The following COL5A1 variants were observed in gnomAD, a reference collection of about 807,000 sequenced individuals.
COL5A1 encodes collagen alpha-1(V) chain.
COL5A1 carries 16 observed loss-of-function variants against 263.7 expected under a neutral mutation model. The observed-to-expected ratio is 0.06, with a 90% CI of 0.04 to 0.09. The LOEUF is 0.09. Among genes scored for constraint, COL5A1 ranks in the 10% least tolerant of loss-of-function variants. COL5A1 has a pLI of 1.00. For missense variants in COL5A1, 2,036 were observed against 2,540.5 expected (o/e 0.80, Z 4.27); for synonymous variants, 1,012 against 1,004.5 (o/e 1.01, Z -0.14).
rs1377237853 is a variant in COL5A1, at chr9:134,816,113, CGATTCCCTTATGATATT to C, written c.4122+140_4122+156del. ...GTTGATATTGATTCCTTTATGATAT[CGATTCCCTTATGATATT>C]GATTCCCTTATGATGTTGATTCCCT... is the stretch of plus-strand genomic sequence containing the variant. On this transcript the variant is annotated intron_variant, in intron 52 of 65. Coordinates refer to ENST00000371817, the MANE Select transcript of COL5A1 (RefSeq NM_000093.5). The C allele has an allele frequency of 2.1e-5, 18 of 868,848 alleles. 2 individuals carry two copies. In the Middle Eastern group the frequency reaches 3.0e-3, roughly 145 times the overall value. 53.8% of individuals were successfully genotyped at this position (868,848 alleles called of 1,614,324 possible). A position where few individuals can be genotyped will look rare whatever the true frequency, so the allele number is the denominator to read the frequency against.
At position 134,652,382 on chromosome 9, in the gene COL5A1, C is replaced by T. The variant is rs747924322; in HGVS notation, c.109+10086C>T. Among the ~76,000 whole-genome samples, 49 of 127,166 alleles carry T rather than the reference C, an allele frequency of 3.9e-4. No homozygotes were observed. Among genetic ancestry groups the T allele is most frequent in the Admixed American group, 1.8e-3 (21 of 11,672 alleles). The allele number at this position is 127,166 out of a possible 152,430, so 83.4% of individuals were successfully genotyped here. On this transcript the variant is annotated intron_variant, in intron 1 of 65. Transcript: ENST00000371817. The surrounding 1 kb of genome is among the most constrained non-coding windows in gnomAD (Gnocchi z 4.4). ...GGCAAGGAGATGCCCCAGGTGGAGCCATCGGGAGAGGGAGAGGGGGTGGGA... is the reference window on the plus strand; with the variant it reads ...GGCAAGGAGATGCCCCAGGTGGAGCTATCGGGAGAGGGAGAGGGGGTGGGA...
At chr9:134,656,083 C>T (rs529008023) in intron 1 of COL5A1, among the ~76,000 whole-genome samples, 7 of 152,268 alleles carry the variant, frequency 4.6e-5, no homozygotes, top group Admixed American at 3.9e-4. Flanking sequence ...CAGAGGATGC[C>T]GGAGCTTGGA....
intron 25 of COL5A1, among the ~76,000 whole-genome samples, chr9:134,770,148 C>T (rs56395518): frequency 0.014 from 2,164 of 152,312 alleles, 59 homozygotes; most frequent in African/African-American, 0.049. Context: ...CCATCTCCCA[C>T]GAAAATCTGG....
chr9:134,751,002 G>A lies in COL5A1; in HGVS notation c.1662+120G>A, dbSNP rs951088134. The stretch of plus-strand genomic sequence containing the variant: ...GAGGGAAGCAGCTGTCTTGATCCCA[G>A]AATGCCTGCTTGCTGGGGTCAGGAG... On this transcript the variant is annotated intron_variant, in intron 13 of 65. Transcript: ENST00000371817. The A allele has an allele frequency of 5.7e-6, 5 of 881,178 alleles. No homozygotes were observed. The African/African-American group carries it at 8.3e-5, about 15-fold the overall frequency. 54.6% of individuals were successfully genotyped at this position (881,178 alleles called of 1,614,324 possible).
chr9:134,719,694 G>A (rs188208995), intron 4 of COL5A1, among the ~76,000 whole-genome samples: 10 of 152,350 alleles, frequency 6.6e-5, no homozygotes, highest in Admixed American at 3.3e-4. Flanking sequence ...GGTGGTGATC[G>A]GCCTCTGCCT....
At position 134,823,486 on chromosome 9, in the gene COL5A1, G is replaced by A. The variant is rs763265560; in HGVS notation, c.4698+17G>A. On this transcript the variant is annotated intron_variant, in intron 61 of 65. Coordinates refer to ENST00000371817, the MANE Select transcript of COL5A1 (RefSeq NM_000093.5). ...GGCCCCCCGGTAAGTAGCCCTTGAAGCCCAGAAAGCGGGACGGGGGCTCTG... is the reference window on the plus strand; with the variant it reads ...GGCCCCCCGGTAAGTAGCCCTTGAAACCCAGAAAGCGGGACGGGGGCTCTG... 4 of 1,614,006 alleles carry A rather than the reference G, an allele frequency of 2.5e-6. No individual in the cohort carries two copies. The South Asian group carries it at 4.4e-5, about 18-fold the overall frequency.
chr9:134,750,777 C>A lies in COL5A1; in HGVS notation c.1570-13C>A. The A allele has an allele frequency of 6.2e-7, 1 of 1,613,222 alleles. No individual in the cohort carries two copies. The highest frequency in any genetic ancestry group is 8.5e-7 in the Non-Finnish European group (1 of 1,179,910). ...TCACTGCTCCCAGAGTGACCCTTGT[C>A]TTACACTTGCAGTTCCGGTTTGGAG... On this transcript the variant is annotated splice_polypyrimidine_tract_variant and intron_variant, in intron 12 of 65. Transcript: ENST00000371817.
intron 49 of COL5A1, 121 bp from the exon 50 acceptor site, chr9:134,814,676 G>A: frequency 1.0e-5 from 8 of 794,390 alleles, no homozygotes; most frequent in South Asian, 3.0e-5. Context: ...GCCCCCTGCA[G>A]GGCTCAGCAG....
intron 31 of COL5A1, among the ~76,000 whole-genome samples, 198 bp from the exon 32 acceptor site, chr9:134,788,957 T>G (rs1170313085): frequency 1.8e-5 from 2 of 111,202 alleles, no homozygotes; most frequent in South Asian, 3.1e-4. Flanking sequence ...AGTGGGTGGG[T>G]GGGTAGACAG....
chr9:134,842,170 A>G lies in COL5A1; in HGVS notation c.5384A>G (p.Tyr1795Cys). The change falls in exon 66 of 66, where the codon TAC becomes TGC. Residue 1795 changes from tyrosine to cysteine, a missense_variant. Tyr to Cys is a radical substitution (Grantham distance 194). Transcript: ENST00000371817. The surrounding 1 kb of genome is among the most constrained non-coding windows in gnomAD (Gnocchi z 5.8). ...CCTCTTCCCCAGACCAAGAAAGGCTACCAGAAGACGGTTCTGGAGATCGAC... is the reference window on the plus strand; with the variant it reads ...CCTCTTCCCCAGACCAAGAAAGGCTGCCAGAAGACGGTTCTGGAGATCGAC... ...LVDGCATKKGYQKTVLEIDTP... is the reference protein window; with the variant it reads ...LVDGCATKKGCQKTVLEIDTP... 3 of 1,614,164 alleles carry G rather than the reference A, an allele frequency of 1.9e-6. No individual in the cohort carries two copies. The highest frequency in any genetic ancestry group is 2.5e-6 in the Non-Finnish European group (3 of 1,180,030).
intron 34 of COL5A1, among the ~76,000 whole-genome samples, chr9:134,795,938 A>ACTC (rs1224440474): frequency 6.6e-6 from 1 of 152,130 alleles, no homozygotes; most frequent in African/African-American, 2.4e-5. Flanking sequence ...GCCACCCTGA[A>ACTC]CTCCTCCAGG....
chr9:134,810,729 C>G (rs1230809313), intron 44 of COL5A1, among the ~76,000 whole-genome samples: 2 of 152,174 alleles, frequency 1.3e-5, no homozygotes, highest in Non-Finnish European at 2.9e-5. Flanking sequence ...TGCAAAAACC[C>G]CATGACTCTG....
rs1406011925 is a variant in COL5A1 at position 134,809,195 on chromosome 9, C to A, written c.3379C>A (p.Pro1127Thr). 6.3e-7 allele frequency: 1 copy of A among 1,586,818 alleles called. No homozygotes were observed. The highest frequency in any genetic ancestry group is 2.3e-5 in the East Asian group (1 of 43,610). ...CTGTATTCTCTAGGGCGAGAAAGGC[C>A]CACAAGGCCCAGCTGGCCGAGACGG... ...GEKGAPGEKG[P>T]QGPAGRDGLQ... The change falls in exon 43 of 66, where the codon CCA (proline) becomes ACA (threonine). Residue 1127 changes from proline (P) to threonine (T), a missense_variant. This residue lies in a region of COL5A1 where 1,078 missense variants were observed against 1,521.4 expected (regional missense o/e 0.71). Transcript: ENST00000371817.
intron 65 of COL5A1, among the ~76,000 whole-genome samples, chr9:134,839,097 A>G (rs1839937492): frequency 6.6e-6 from 1 of 152,258 alleles, no homozygotes; most frequent in African/African-American, 2.4e-5. Context: ...TGCATGATTC[A>G]TATTGTAATA....
chr9:134,670,248 A>C (rs1450880606), intron 1 of COL5A1, among the ~76,000 whole-genome samples: 2 of 152,222 alleles, frequency 1.3e-5, no homozygotes, highest in Non-Finnish European at 2.9e-5. Flanking sequence ...CATCTTTCTG[A>C]TAAATCCTTT....
Position 134,805,162 on chromosome 9 carries a change from G to C in COL5A1, c.3206G>C (p.Gly1069Ala), listed in dbSNP as rs746813446. The change falls in exon 41 of 66, where the codon GGA becomes GCA. Residue 1069 changes from glycine to alanine, a missense_variant and splice_region_variant. Physicochemically the swap from Gly to Ala is moderately conservative, Grantham distance 60. Transcript: ENST00000371817. ...ACCAACCTTTTCATGGCTTTGCAGG[G>C]AGCTCTTGGACTGAAAGGCAATGAA... is the stretch of plus-strand genomic sequence containing the variant. ...PGDRGLPGPV[G>A]ALGLKGNEGP... 1 of 1,614,102 alleles carries C rather than the reference G, an allele frequency of 6.2e-7. No homozygotes were observed. The highest frequency in any genetic ancestry group is 8.5e-7 in the Non-Finnish European group (1 of 1,180,028).
intron 1 of COL5A1, among the ~76,000 whole-genome samples, chr9:134,651,854 C>T (rs1227179737): frequency 5.3e-5 from 8 of 152,226 alleles, no homozygotes; most frequent in Admixed American, 6.5e-5. Flanking sequence ...GTTGTCTTCC[C>T]TTGATTTTTT....
intron 26 of COL5A1, 140 bp from the exon 27 acceptor site, chr9:134,774,719 G>A: frequency 1.2e-6 from 1 of 823,212 alleles, no homozygotes; most frequent in Non-Finnish European, 2.1e-6. Flanking sequence ...CTCCCACGGG[G>A]GGCCTCTCTG....
chr9:134,753,611 A>G (rs1170548767), intron 14 of COL5A1, among the ~76,000 whole-genome samples: 2 of 152,208 alleles, frequency 1.3e-5, no homozygotes, highest in African/African-American at 2.4e-5. Flanking sequence ...GCGAGCCCCA[A>G]CAACTAGAAT....
Sources: gnomAD v4.1 joint callset for allele counts (sites outside exome capture counted in the v4.1 genomes callset) on GRCh38, gnomAD v4.1.1 for gene constraint, gnomAD v4.1.1 regional missense constraint, Gnocchi (gnomAD v3.1) non-coding constraint, MANE v1.5 for transcripts, NCBI Gene and HGNC (gene_info 2026-07-23, HGNC 2026-07-21) for gene names.